TSHZ3: variants seen among roughly 807,000 people sequenced by gnomAD.
The protein encoded by TSHZ3 is teashirt zinc finger homeobox 3, also known as teashirt homolog 3.
Under a neutral mutation model 64.5 loss-of-function variants are expected in TSHZ3, and 10 were observed. The observed-to-expected ratio is 0.16, with a 90% confidence interval of 0.10 to 0.26. TSHZ3 has a LOEUF of 0.26. TSHZ3 is among the 10% of genes least tolerant of loss of function. TSHZ3 has a pLI of 1.00. For synonymous variants in TSHZ3, 608 were observed against 593.1 expected (o/e 1.03, Z -0.36); for missense variants, 1,242 against 1,421.7 (o/e 0.87, Z 2.03).
At position 31,342,168 on chromosome 19, in the gene TSHZ3, C is replaced by T. The variant is rs543468180; in HGVS notation, c.40+7012G>A. ...TCTAACAGAATTAATTACAGAACTT[C>T]GTATCATTCCAGGATACATAATGCA... On this transcript the variant is annotated intron_variant, in intron 1 of 1. Coordinates refer to ENST00000240587, the MANE Select transcript of TSHZ3 (RefSeq NM_020856.4). 1.2e-4 allele frequency among the ~76,000 whole-genome samples: 19 copies of T among 152,322 alleles called. No homozygotes were observed. In the South Asian group the frequency reaches 3.5e-3, roughly 28 times the overall value.
At chr19:31,244,248 G>A (rs971124462) in intron 1 of TSHZ3, among the ~76,000 whole-genome samples, 1 of 152,076 alleles carries the variant, frequency 6.6e-6, no homozygotes, top group African/African-American at 2.4e-5. Context: ...TCTTGATAGT[G>A]AGTGAGTGAG....
intron 1 of TSHZ3, among the ~76,000 whole-genome samples, chr19:31,334,660 G>A (rs1257700273): frequency 6.6e-6 from 1 of 152,120 alleles, no homozygotes; most frequent in Non-Finnish European, 1.5e-5. Context: ...AACTCCAGGA[G>A]GCAAATACAC....
At chr19:31,230,994 C>T (rs546317490) in intron 3 of TSHZ3, among the ~76,000 whole-genome samples, 34 of 151,874 alleles carry the variant, frequency 2.2e-4, no homozygotes, top group Non-Finnish European at 4.3e-4. Context: ...GAGCCACCGC[C>T]GCTGGCCCCC....
intron 1 of TSHZ3, among the ~76,000 whole-genome samples, chr19:31,281,289 T>C (rs924571370): frequency 1.3e-5 from 2 of 152,070 alleles, no homozygotes; most frequent in African/African-American, 4.8e-5. Context: ...GTCAAGCAGA[T>C]AGGCCCCCCT....
intron 4 of TSHZ3, among the ~76,000 whole-genome samples, chr19:31,209,780 G>T (rs1271416437): frequency 6.6e-6 from 1 of 152,164 alleles, no homozygotes; most frequent in Non-Finnish European, 1.5e-5. Flanking sequence ...GTCAGCAGTT[G>T]GGATGAGCAG....
chr19:31,220,022 T>C (rs1272413689), intron 4 of TSHZ3, among the ~76,000 whole-genome samples: 1 of 152,078 alleles, frequency 6.6e-6, no homozygotes, highest in Non-Finnish European at 1.5e-5. Flanking sequence ...TTAAAGACGA[T>C]TTCTCCCACT....
intron 5 of TSHZ3, among the ~76,000 whole-genome samples, chr19:31,194,044 G>A (rs1222423597): frequency 6.6e-6 from 1 of 150,832 alleles, no homozygotes; most frequent in Non-Finnish European, 1.5e-5. Context: ...CAAAATTAGA[G>A]ACAGATAAGC....
At chr19:31,323,612 A>G (rs977607607) in intron 1 of TSHZ3, among the ~76,000 whole-genome samples, 2 of 152,112 alleles carry the variant, frequency 1.3e-5, no homozygotes, top group African/African-American at 4.8e-5. Flanking sequence ...GCTCTCAGTG[A>G]TGCGGCTGGT....
intron 5 of TSHZ3, among the ~76,000 whole-genome samples, chr19:31,185,013 C>T (rs1974781225): frequency 1.3e-5 from 2 of 152,188 alleles, no homozygotes; most frequent in South Asian, 2.1e-4. Flanking sequence ...AGCCTCAGAA[C>T]TGTACCCTCC....
intron 1 of TSHZ3, among the ~76,000 whole-genome samples, chr19:31,244,117 A>G (rs571929884): frequency 2.0e-5 from 3 of 152,126 alleles, no homozygotes; most frequent in Admixed American, 6.6e-5. Flanking sequence ...ACAGTGTATG[A>G]TATAATTTGC....
chr19:31,318,110 T>C (rs1599645113), intron 1 of TSHZ3, among the ~76,000 whole-genome samples: 1 of 152,248 alleles, frequency 6.6e-6, no homozygotes, highest in South Asian at 2.1e-4. Context: ...AAAAGATCTA[T>C]AAACACATAT....
chr19:31,229,983 G>A (rs1239628031), intron 3 of TSHZ3, among the ~76,000 whole-genome samples: 3 of 152,128 alleles, frequency 2.0e-5, no homozygotes, highest in Admixed American at 2.0e-4. Flanking sequence ...GTTCTAGAGG[G>A]TAACTTGGCA....
intron 3 of TSHZ3, among the ~76,000 whole-genome samples, chr19:31,239,739 C>G (rs560515022): frequency 1.1e-4 from 15 of 139,054 alleles, no homozygotes; most frequent in Non-Finnish European, 2.3e-4. Context: ...GACAACATGC[C>G]CAGCTAATTA....
At chr19:31,333,526 G>A (rs944990403) in intron 1 of TSHZ3, among the ~76,000 whole-genome samples, 1 of 152,046 alleles carries the variant, frequency 6.6e-6, no homozygotes, top group Non-Finnish European at 1.5e-5. Context: ...AGCCAACCCC[G>A]TGGCATGCAG....
intron 1 of TSHZ3, among the ~76,000 whole-genome samples, chr19:31,284,612 G>A (rs66469685): frequency 0.15 from 22,386 of 152,076 alleles, 2,620 homozygotes; most frequent in Middle Eastern, 0.32. Context: ...GAAACCCTGG[G>A]GCAGGTGCAG....
intron 1 of TSHZ3, among the ~76,000 whole-genome samples, chr19:31,316,887 C>G (rs1599644425): frequency 6.6e-6 from 1 of 152,232 alleles, no homozygotes; most frequent in South Asian, 2.1e-4. Flanking sequence ...CGTTTTATTT[C>G]TCAATTATTT....
intron 1 of TSHZ3, among the ~76,000 whole-genome samples, chr19:31,255,533 G>C (rs1323070352): frequency 6.6e-6 from 1 of 151,952 alleles, no homozygotes; most frequent in Admixed American, 6.6e-5. Context: ...TGCATGGCAG[G>C]GGCGCCGGGC....
Position 31,331,394 on chromosome 19 carries a change from G to A in TSHZ3, c.40+17786C>T, listed in dbSNP as rs1404190329. ...TCTTTGTCACTGATATTTCAGATCT[G>A]CTGCGAATTGCTGTTTTTTTGTTTT... On this transcript the variant is annotated intron_variant, in intron 1 of 1. Transcript: ENST00000240587. Among the ~76,000 whole-genome samples the A allele has an allele frequency of 3.3e-5, 5 of 152,102 alleles. No homozygotes were observed. In the East Asian group the frequency reaches 9.6e-4, roughly 29 times the overall value.
chr19:31,335,863 G>A (rs1001547663), intron 1 of TSHZ3, among the ~76,000 whole-genome samples: 6 of 152,188 alleles, frequency 3.9e-5, no homozygotes, highest in African/African-American at 1.2e-4. Context: ...GAAGGTGGAC[G>A]TCACACCATG....
Sources: gnomAD v4.1 joint callset for allele counts (sites outside exome capture counted in the v4.1 genomes callset) on GRCh38, gnomAD v4.1.1 for gene constraint, MANE v1.5 for transcripts, NCBI Gene and HGNC (gene_info 2026-07-23, HGNC 2026-07-21) for gene names.